LRRC4C: variants seen among roughly 807,000 people sequenced by gnomAD.
LRRC4C encodes leucine rich repeat containing 4C, also known as leucine-rich repeat-containing protein 4C.
In LRRC4C, 5 loss-of-function variants were observed where a neutral mutation model predicts 33.6. The ratio of observed to expected loss-of-function variants is 0.15; its 90% confidence interval spans 0.08 to 0.31. LRRC4C has a LOEUF of 0.31. Ranked by LOEUF, LRRC4C falls within the 10% of genes least tolerant of loss-of-function variation. LRRC4C has a pLI of 1.00. For missense variants in LRRC4C, 560 were observed against 796.7 expected (o/e 0.70, Z 3.58); for synonymous variants, 329 against 302.0 (o/e 1.09, Z -0.93).
chr11:40,760,796 TATATAC>T (rs1565026193), intron 2 of LRRC4C, among the ~76,000 whole-genome samples: 1 of 132,592 alleles, frequency 7.5e-6, no homozygotes, highest in South Asian at 2.3e-4. Flanking sequence ...TGTATATATA[TATATAC>T]ACACACACAC....
chr11:40,532,608 T>A (rs986719304), intron 3 of LRRC4C, among the ~76,000 whole-genome samples: 1 of 150,950 alleles, frequency 6.6e-6, no homozygotes, highest in African/African-American at 2.5e-5. Flanking sequence ...ATGTAAGGGG[T>A]ATAAGATGAA....
chr11:41,329,108 C>T (rs1951213694), intron 1 of LRRC4C, among the ~76,000 whole-genome samples: 1 of 152,194 alleles, frequency 6.6e-6, no homozygotes, highest in Non-Finnish European at 1.5e-5. Context: ...TATTTAACTT[C>T]TGGGTGCTTG....
intron 2 of LRRC4C, among the ~76,000 whole-genome samples, chr11:40,898,021 A>G (rs954672850): frequency 1.3e-5 from 2 of 152,168 alleles, no homozygotes; most frequent in Non-Finnish European, 2.9e-5. Flanking sequence ...TAAGCTTATA[A>G]AATAGGTCTA....
intron 1 of LRRC4C, among the ~76,000 whole-genome samples, chr11:40,987,190 A>T (rs949184169): frequency 6.6e-5 from 10 of 152,192 alleles, no homozygotes; most frequent in Admixed American, 6.5e-4. Context: ...CAACACAAGC[A>T]GCTGTTGACG....
At chr11:40,579,962 A>C (rs1958393789) in intron 3 of LRRC4C, among the ~76,000 whole-genome samples, 1 of 152,122 alleles carries the variant, frequency 6.6e-6, no homozygotes, top group Non-Finnish European at 1.5e-5. Context: ...AGACTGGCAG[A>C]AATGGGACTG....
rs1958740810 is a variant in LRRC4C, at chr11:40,586,324, T to A, written c.-270+61818A>T. 2.0e-5 allele frequency among the ~76,000 whole-genome samples: 3 copies of A among 150,312 alleles called. No individual in the cohort carries two copies. In the South Asian group the frequency reaches 6.3e-4, roughly 32 times the overall value. On this transcript the variant is annotated intron_variant, in intron 3 of 6. Transcript: ENST00000528697. ...TCACCCACTTTTTGATGGGGTTGTT[T>A]GTTTTTTTCTTGTAAATTTGTTTGA... is the stretch of plus-strand genomic sequence containing the variant.
At chr11:40,684,421 A>G (rs925047135) in intron 2 of LRRC4C, among the ~76,000 whole-genome samples, 2 of 152,054 alleles carry the variant, frequency 1.3e-5, no homozygotes, top group Non-Finnish European at 2.9e-5. Flanking sequence ...ATAAGGAAGT[A>G]ACTCATAATC....
chr11:40,972,940 T>C (rs1274346120), intron 1 of LRRC4C, among the ~76,000 whole-genome samples: 5 of 152,162 alleles, frequency 3.3e-5, no homozygotes, highest in Non-Finnish European at 7.4e-5. Context: ...AATTGAATCA[T>C]GGGGGCAGTT....
At chr11:40,480,405 C>A (rs1953489304) in intron 3 of LRRC4C, among the ~76,000 whole-genome samples, 1 of 151,566 alleles carries the variant, frequency 6.6e-6, no homozygotes, top group Non-Finnish European at 1.5e-5. Context: ...CACATGTTCT[C>A]ATTTAAAAGT....
At chr11:40,281,485 CG>C (rs1388181428) in intron 4 of LRRC4C, among the ~76,000 whole-genome samples, 2 of 152,014 alleles carry the variant, frequency 1.3e-5, no homozygotes, top group African/African-American at 4.8e-5. Context: ...TTGTAAAAAT[CG>C]GCACACTCTG....
At chr11:40,883,253 A>T (rs1955273252) in intron 2 of LRRC4C, among the ~76,000 whole-genome samples, 2 of 152,074 alleles carry the variant, frequency 1.3e-5, no homozygotes, top group South Asian at 4.1e-4. Context: ...AAATTTTCAA[A>T]AAAGAAATGC....
chr11:40,779,420 A>T (rs942584616), intron 2 of LRRC4C, among the ~76,000 whole-genome samples: 2 of 152,182 alleles, frequency 1.3e-5, no homozygotes, highest in African/African-American at 4.8e-5. Context: ...TTTCACTTGC[A>T]TAACTTACAT....
rs187747267 is a variant in LRRC4C at position 41,422,574 on chromosome 11, T to A, written c.-496+36857A>T. 1.1e-4 allele frequency among the ~76,000 whole-genome samples: 17 copies of A among 152,184 alleles called. No individual in the cohort carries two copies. The East Asian group carries it at 3.1e-3, about 28-fold the overall frequency. On this transcript the variant is annotated intron_variant, in intron 1 of 6. Coordinates refer to ENST00000528697, the MANE Select transcript of LRRC4C (RefSeq NM_001258419.2). ...ATGGAAGGACCTGAGTCTTTCATGA[T>A]ACCTTGGTTCCACTGAAACACCAAA...
intron 1 of LRRC4C, among the ~76,000 whole-genome samples, chr11:41,116,528 G>C (rs1406384301): frequency 2.0e-5 from 3 of 152,042 alleles, no homozygotes; most frequent in Non-Finnish European, 1.5e-5. Context: ...GCAAAATACA[G>C]TAACAGTAAT....
intron 5 of LRRC4C, among the ~76,000 whole-genome samples, chr11:40,205,185 A>G (rs1470488807): frequency 5.3e-5 from 8 of 152,212 alleles, no homozygotes; most frequent in African/African-American, 1.9e-4. Context: ...GTGCCTGAAG[A>G]TATAGTAACT....
At chr11:41,169,195 A>G (rs1944861335) in intron 1 of LRRC4C, among the ~76,000 whole-genome samples, 1 of 152,222 alleles carries the variant, frequency 6.6e-6, no homozygotes, top group Admixed American at 6.5e-5. Flanking sequence ...CATTTTTCAA[A>G]ACATTGCTTA....
chr11:40,702,909 T>C (rs1733743199), intron 2 of LRRC4C, among the ~76,000 whole-genome samples: 1 of 152,180 alleles, frequency 6.6e-6, no homozygotes, highest in Non-Finnish European at 1.5e-5. Flanking sequence ...TATTTTAAAA[T>C]GTCATAAGAT....
At chr11:40,998,660 G>A (rs892646207) in intron 1 of LRRC4C, among the ~76,000 whole-genome samples, 7 of 152,006 alleles carry the variant, frequency 4.6e-5, no homozygotes, top group South Asian at 2.1e-4. Flanking sequence ...AACTAGACAC[G>A]CATTCAAATT....
intron 3 of LRRC4C, among the ~76,000 whole-genome samples, chr11:40,548,001 A>ATAAAC (rs1157735242): frequency 6.6e-6 from 1 of 152,126 alleles, no homozygotes. Context: ...GAGTCAGGCA[A>ATAAAC]TAAACACGGA....
Sources: gnomAD v4.1 joint callset for allele counts (sites outside exome capture counted in the v4.1 genomes callset) on GRCh38, gnomAD v4.1.1 for gene constraint, MANE v1.5 for transcripts, NCBI Gene and HGNC (gene_info 2026-07-23, HGNC 2026-07-21) for gene names.